The following PWWP3A variants were observed in gnomAD, a reference collection of about 807,000 sequenced individuals.
The protein encoded by PWWP3A is PWWP domain containing 3A, DNA repair factor.
In PWWP3A, 53 loss-of-function variants were observed where a neutral mutation model predicts 79.0. The observed-to-expected ratio is 0.67, with a 90% CI of 0.54 to 0.84. PWWP3A has a LOEUF of 0.84. PWWP3A is among the 40% of genes least tolerant of loss of function. PWWP3A has a pLI of 0.00. For synonymous variants in PWWP3A, 443 were observed against 394.4 expected, an observed-to-expected ratio of 1.12 and a Z score of -1.46; for missense variants, 973 against 948.0, an observed-to-expected ratio of 1.03 and a Z score of -0.35.
intron 12 of PWWP3A, chr19:1,371,629 C>T (rs2082262291): frequency 1.7e-6 from 1 of 577,368 alleles, no homozygotes. Flanking sequence ...TCTGAAATTT[C>T]AGAGAGGACA....
chr19:1,375,439 A>ATG (rs1435996063), intron 13 of PWWP3A, among the ~76,000 whole-genome samples: 622 of 11,236 alleles, frequency 0.055, 4 homozygotes, highest in African/African-American at 0.16. Context: ...ATATATAGCC[A>ATG]TATATATTTA....
intron 3 of PWWP3A, 177 bp downstream of exon 3, chr19:1,357,271 G>C: frequency 1.8e-6 from 1 of 546,438 alleles, no homozygotes; most frequent in Non-Finnish European, 3.2e-6. Flanking sequence ...TTGATTTTAT[G>C]TCAGTTTGGA....
At chr19:1,365,790 G>A (rs988440795) in intron 7 of PWWP3A, among the ~76,000 whole-genome samples, 3 of 152,272 alleles carry the variant, frequency 2.0e-5, no homozygotes, top group African/African-American at 2.4e-5. Context: ...CTCCCTGAGA[G>A]CGCAGGGCGG....
Position 1,367,168 on chromosome 19 carries a change from T to C in PWWP3A, c.1370T>C (p.Val457Ala), listed in dbSNP as rs1294182575. The change falls in exon 9 of 14, where the codon GTG (valine) becomes GCG (alanine). Residue 457 changes from valine to alanine, a missense_variant. Val to Ala is a moderately conservative substitution (Grantham distance 64). Coordinates refer to ENST00000591337, the MANE Select transcript of PWWP3A (RefSeq NM_001369789.1). Reference protein sequence around the residue: ...HMNPKMKGFTVSLKSLKHFDC... With the variant: ...HMNPKMKGFTASLKSLKHFDC... The stretch of plus-strand genomic sequence containing the variant: ...CCTCTCTCTGCTTCAAGTTTCACAG[T>C]GTCTCTTAAAAGTTTAAAGCACTTT... The C allele has an allele frequency of 6.2e-7, 1 of 1,612,342 alleles. No individual in the cohort carries two copies.
At position 1,360,040 on chromosome 19, in the gene PWWP3A, C is replaced by T. The variant is rs548849190; in HGVS notation, c.215-96C>T. ...TCAGTGATTTAGGTATGAAACTAGC[C>T]GTCAGAATGAGACAAGCGAGCTTCT... On this transcript the variant is annotated intron_variant, in intron 4 of 13. Transcript: ENST00000591337. The surrounding 1 kb of genome is among the most constrained non-coding windows in gnomAD (Gnocchi z 4.4). The T allele has an allele frequency of 1.5e-4, 192 of 1,253,288 alleles. No individual in the cohort carries two copies. Among genetic ancestry groups the T allele is most frequent in the Non-Finnish European group, 1.9e-4 (184 of 943,672 alleles). 77.6% of individuals were successfully genotyped at this position (1,253,288 alleles called of 1,614,324 possible). A position where few individuals can be genotyped will look rare whatever the true frequency, so the allele number is the denominator to read the frequency against.
chr19:1,362,407 C>G (rs1600105421), intron 6 of PWWP3A, 56 bp downstream of exon 6: 1 of 1,419,826 alleles, frequency 7.0e-7, no homozygotes, highest in Non-Finnish European at 9.8e-7. Flanking sequence ...GAGGCAGCGG[C>G]GGCGGGGCTC....
intron 12 of PWWP3A, chr19:1,372,524 C>A (rs542003792): frequency 1.3e-5 from 2 of 151,748 alleles, no homozygotes; most frequent in Admixed American, 6.6e-5. Flanking sequence ...TTTGGGAGGC[C>A]GAGGCAGGTG....
At chr19:1,357,169 A>G in intron 3 of PWWP3A, 75 bp downstream of exon 3, 1 of 1,126,262 alleles carries the variant, frequency 8.9e-7, no homozygotes, top group East Asian at 2.4e-5. Flanking sequence ...ACTCCCCCAA[A>G]ACAGTTGAAG....
Position 1,358,695 on chromosome 19 carries a change from T to A in PWWP3A, c.214+231T>A, listed in dbSNP as rs989996370. ...CTCCTATTCTTGACGCCCAGAATGG[T>A]CAGTGGTGAGCATCAAGGTCATCTC... is the stretch of plus-strand genomic sequence containing the variant. On this transcript the variant is annotated intron_variant, in intron 4 of 13. Coordinates refer to ENST00000591337, the MANE Select transcript of PWWP3A (RefSeq NM_001369789.1). The A allele has an allele frequency of 4.6e-6, 7 of 1,518,174 alleles. No individual in the cohort carries two copies. In the Admixed American group the frequency reaches 1.4e-4, roughly 30 times the overall value. The allele number at this position is 1,518,174 out of a possible 1,614,324, so 94.0% of individuals were successfully genotyped here.
intron 9 of PWWP3A, 139 bp downstream of exon 9, chr19:1,367,359 C>T (rs921371481): frequency 3.3e-5 from 23 of 706,206 alleles, no homozygotes; most frequent in Non-Finnish European, 4.1e-5. Flanking sequence ...AGCCAGGCTG[C>T]GCTCTGGCCG....
Position 1,355,064 on chromosome 19 carries a change from C to T in PWWP3A, c.-141C>T, listed in dbSNP as rs1172999744. On this transcript the variant is annotated 5_prime_UTR_variant, in exon 1 of 14. Coordinates refer to ENST00000591337, the MANE Select transcript of PWWP3A (RefSeq NM_001369789.1). ...GACGGCAGCGGTTGGCGGGCGGGTC[C>T]TCCGCTGTTGCGGCCGCTGCGGCCT... 1 of 151,290 alleles carries T rather than the reference C, an allele frequency of 6.6e-6. No homozygotes were observed. The highest frequency in any genetic ancestry group is 2.4e-5 in the African/African-American group (1 of 41,212). The allele number at this position is 151,290 out of a possible 1,614,324, so 9.4% of individuals were successfully genotyped here.
intron 3 of PWWP3A, chr19:1,357,315 C>T: frequency 2.1e-6 from 1 of 468,324 alleles, no homozygotes; most frequent in South Asian, 2.8e-5. Context: ...TCTGTGAGAT[C>T]TATGGAGAGA....
At chr19:1,374,276 G>A (rs938159960) in intron 13 of PWWP3A, 1 of 152,172 alleles carries the variant, frequency 6.6e-6, no homozygotes. Flanking sequence ...CCCGTGACCT[G>A]TGAGAATGGT....
intron 13 of PWWP3A, 90 bp downstream of exon 13, chr19:1,373,250 G>T: frequency 8.6e-7 from 1 of 1,160,730 alleles, no homozygotes; most frequent in South Asian, 1.3e-5. Flanking sequence ...ACTCCAGGCT[G>T]CCGCAGCCCC....
rs1255723741 is a variant in PWWP3A, at chr19:1,377,820, C to T, written c.*1244C>T. On this transcript the variant is annotated 3_prime_UTR_variant, in exon 14 of 14. Coordinates refer to ENST00000591337, the MANE Select transcript of PWWP3A (RefSeq NM_001369789.1). ...GAGGCCTTGCTTTGAGGGGCTGTGA[C>T]CCTCTTCCCCCAGGCCCTCCCCAGC... 1 of 152,254 alleles carries T rather than the reference C, an allele frequency of 6.6e-6. No homozygotes were observed. The highest frequency in any genetic ancestry group is 1.5e-5 in the Non-Finnish European group (1 of 68,100). 9.4% of individuals were successfully genotyped at this position (152,254 alleles called of 1,614,324 possible). A position where few individuals can be genotyped will look rare whatever the true frequency, so the allele number is the denominator to read the frequency against.
intron 7 of PWWP3A, among the ~76,000 whole-genome samples, chr19:1,365,114 C>T (rs1043042453): frequency 6.6e-6 from 1 of 152,118 alleles, no homozygotes; most frequent in African/African-American, 2.4e-5. Flanking sequence ...AGTGAGACTC[C>T]GTCTCCGGGG....
chr19:1,377,829 C>G lies in PWWP3A; in HGVS notation c.*1253C>G, dbSNP rs1485130066. ...CTTTGAGGGGCTGTGACCCTCTTCC[C>G]CCAGGCCCTCCCCAGCCGACGACAG... On this transcript the variant is annotated 3_prime_UTR_variant, in exon 14 of 14. Transcript: ENST00000591337. 1 of 152,304 alleles carries G rather than the reference C, an allele frequency of 6.6e-6. No individual in the cohort carries two copies. The allele number at this position is 152,304 out of a possible 1,614,324, so 9.4% of individuals were successfully genotyped here. A position where few individuals can be genotyped will look rare whatever the true frequency, so the allele number is the denominator to read the frequency against.
chr19:1,366,429 C>G (rs756416785), intron 8 of PWWP3A, 48 bp downstream of exon 8: 1 of 1,547,778 alleles, frequency 6.5e-7, no homozygotes, highest in East Asian at 2.2e-5. Flanking sequence ...GGGGCCAGGC[C>G]GGCCGCTCTC....
In PWWP3A at chr19:1,362,358, A is replaced by C; in HGVS notation, c.1213+7A>C. On this transcript the variant is annotated splice_region_variant and intron_variant, in intron 6 of 13. Coordinates refer to ENST00000591337, the MANE Select transcript of PWWP3A (RefSeq NM_001369789.1). ...AGAGTCCTTTTATACCACGGTAAGA[A>C]ATGATCAGGGGGCGCCGGCAGTCCT... 1 of 1,611,740 alleles carries C rather than the reference A, an allele frequency of 6.2e-7. No individual in the cohort carries two copies. Among genetic ancestry groups the C allele is most frequent in the Non-Finnish European group, 8.5e-7 (1 of 1,178,536 alleles).
Sources: allele counts gnomAD v4.1 joint callset (sites outside exome capture counted in the v4.1 genomes callset), GRCh38; gene constraint gnomAD v4.1.1; non-coding constraint Gnocchi (gnomAD v3.1); transcripts MANE v1.5; gene names NCBI Gene and HGNC (gene_info 2026-07-23, HGNC 2026-07-21).